Variants in IRAG1 observed in about 807,000 individuals in gnomAD.
IRAG1 encodes the protein IP3R-associated cGMP kinase substrate.
In IRAG1, 62 loss-of-function variants were observed where a neutral mutation model predicts 106.2. The observed-to-expected ratio is 0.58, with a 90% CI of 0.48 to 0.72. IRAG1 has a LOEUF of 0.72. Among genes scored for constraint, IRAG1 ranks in the 30% least tolerant of loss-of-function variants. The pLI is 0.00. For synonymous variants in IRAG1, 462 were observed against 443.9 expected (o/e 1.04, Z -0.51); for missense variants, 1,064 against 1,140.7 (o/e 0.93, Z 0.97).
chr11:10,622,808 A>G (rs143136168), intron 10 of IRAG1, among the ~76,000 whole-genome samples: 9 of 151,716 alleles, frequency 5.9e-5, no homozygotes, highest in African/African-American at 2.2e-4. Context: ...ATCTCATACA[A>G]TTTCATTCGT....
chr11:10,581,745 G>T, intron 19 of IRAG1, 122 bp downstream of exon 19: 3 of 1,215,410 alleles, frequency 2.5e-6, no homozygotes, highest in Non-Finnish European at 3.4e-6. Flanking sequence ...TCCTTCCTGT[G>T]GCAAGGAGGT....
intron 10 of IRAG1, among the ~76,000 whole-genome samples, chr11:10,615,481 A>G (rs1223913874): frequency 1.3e-5 from 2 of 152,244 alleles, no homozygotes; most frequent in East Asian, 1.9e-4. Context: ...ACACATGCAC[A>G]CGTATGTTTA....
intron 1 of IRAG1, among the ~76,000 whole-genome samples, chr11:10,674,372 C>T (rs146138838): frequency 2.6e-4 from 39 of 152,272 alleles, no homozygotes; most frequent in East Asian, 7.7e-4. Context: ...TTCAAATAAA[C>T]GGGTTTTTAC....
chr11:10,622,442 G>C (rs1472622528), intron 10 of IRAG1, among the ~76,000 whole-genome samples: 1 of 152,112 alleles, frequency 6.6e-6, no homozygotes, highest in Non-Finnish European at 1.5e-5. Context: ...ATGGCACTAT[G>C]GTTACAGTTA....
Position 10,576,574 on chromosome 11 carries a change from T to C in IRAG1, c.2497A>G (p.Lys833Glu), listed in dbSNP as rs1429322966. The change falls in exon 21 of 21, where the codon AAA becomes GAA. Residue 833 changes from lysine (K) to glutamate (E), a missense_variant and splice_region_variant. Physicochemically the swap from Lys to Glu is moderately conservative, Grantham distance 56. Coordinates refer to ENST00000423302, the MANE Select transcript of IRAG1 (RefSeq NM_130385.4). ...EEEEKGPRSS[K>E]LEELVHFLQV... ...AAGAAATGGACCAATTCTTCAAGTT[T>C]GCTGTCAATGAAAAAAAATATGCAG... is the stretch of plus-strand genomic sequence containing the variant. 6.2e-7 allele frequency: 1 copy of C among 1,613,986 alleles called. No individual in the cohort carries two copies. Among genetic ancestry groups the C allele is most frequent in the East Asian group, 2.2e-5 (1 of 44,888 alleles).
chr11:10,629,755 G>C, intron 4 of IRAG1, 44 bp from the exon 5 acceptor site: 2 of 1,589,702 alleles, frequency 1.3e-6, no homozygotes, highest in Non-Finnish European at 1.7e-6. Context: ...CTGCATCCGT[G>C]GCCCCAGGCT....
chr11:10,613,938 A>G (rs560483425), intron 10 of IRAG1, among the ~76,000 whole-genome samples: 12 of 152,258 alleles, frequency 7.9e-5, no homozygotes, highest in African/African-American at 2.9e-4. Context: ...TCCAGAACCC[A>G]CACCTGTAAA....
intron 2 of IRAG1, among the ~76,000 whole-genome samples, chr11:10,651,220 G>A (rs912354171): frequency 1.8e-4 from 28 of 152,332 alleles, no homozygotes; most frequent in African/African-American, 5.3e-4. Flanking sequence ...AAGAAAATAC[G>A]ACGAGGATGA....
At chr11:10,596,151 A>G (rs1477114116) in intron 15 of IRAG1, among the ~76,000 whole-genome samples, 3 of 152,222 alleles carry the variant, frequency 2.0e-5, no homozygotes, top group South Asian at 2.1e-4. Context: ...AAGTGCTGCA[A>G]TGAACATTTG....
chr11:10,616,668 T>C (rs1039926600), intron 10 of IRAG1, among the ~76,000 whole-genome samples: 11 of 152,224 alleles, frequency 7.2e-5, no homozygotes, highest in African/African-American at 2.7e-4. Flanking sequence ...TCTTATAGTT[T>C]CACTTCAAGT....
intron 4 of IRAG1, among the ~76,000 whole-genome samples, chr11:10,631,103 AG>A (rs1285083860): frequency 6.6e-6 from 1 of 152,240 alleles, no homozygotes; most frequent in Admixed American, 6.5e-5. Context: ...ACAAGAAAAA[AG>A]GTTCAAGAGA....
chr11:10,691,426 G>A (rs760574555), intron 1 of IRAG1, among the ~76,000 whole-genome samples: 17 of 152,128 alleles, frequency 1.1e-4, no homozygotes, highest in Non-Finnish European at 2.1e-4. Context: ...TTAGAAAGCT[G>A]AGGACCCATC....
rs1192171438 is a variant in IRAG1, at chr11:10,628,813, A to C, written c.590T>G (p.Leu197Arg). The C allele has an allele frequency of 6.3e-7, 1 of 1,579,786 alleles. No homozygotes were observed. Among genetic ancestry groups the C allele is most frequent in the African/African-American group, 1.4e-5 (1 of 73,442 alleles). ...GGATGTAGGAGAAGCGCTGGGGCTG[A>C]GGTTCGGGGAAACAGCTGTGAAGAC... ...GDSPSAVSPNLSPSASPTSSR... is the reference protein window; with the variant it reads ...GDSPSAVSPNRSPSASPTSSR... Residue 197 changes from leucine (L) to arginine (R), a missense_variant, in exon 6 of 21, where the codon CTC (leucine) becomes CGC (arginine). Physicochemically the swap from Leu to Arg is moderately radical, Grantham distance 102. Coordinates refer to ENST00000423302, the MANE Select transcript of IRAG1 (RefSeq NM_130385.4). The surrounding 1 kb of genome is among the most constrained non-coding windows in gnomAD (Gnocchi z 4.1).
intron 3 of IRAG1, among the ~76,000 whole-genome samples, chr11:10,633,453 A>C (rs1226735734): frequency 6.6e-6 from 1 of 152,176 alleles, no homozygotes; most frequent in African/African-American, 2.4e-5. Flanking sequence ...TGCTCTGTGA[A>C]ACCAAGGCGG....
chr11:10,667,687 G>T (rs997562378), intron 1 of IRAG1, among the ~76,000 whole-genome samples: 1 of 152,116 alleles, frequency 6.6e-6, no homozygotes, highest in Admixed American at 6.5e-5. Context: ...AGGTGTGGTC[G>T]CAGGCCTCCC....
Position 10,689,372 on chromosome 11 carries a change from T to C in IRAG1, c.67+4164A>G, listed in dbSNP as rs181380921. Among the ~76,000 whole-genome samples the C allele has an allele frequency of 2.1e-4, 32 of 152,300 alleles. No homozygotes were observed. In the East Asian group the frequency reaches 5.0e-3, roughly 24 times the overall value. ...CGGTCAACCTACCTCAAATAGAGGC[T>C]TTCTCTCCTTCATTCAAAGGAATAA... On this transcript the variant is annotated intron_variant, in intron 1 of 20. Coordinates refer to ENST00000423302, the MANE Select transcript of IRAG1 (RefSeq NM_130385.4).
At position 10,618,398 on chromosome 11, in the gene IRAG1, G is replaced by A. The variant is rs77760551; in HGVS notation, c.1447+5380C>T. 1.8e-3 allele frequency among the ~76,000 whole-genome samples: 281 copies of A among 152,158 alleles called. 1 individual carries two copies. The highest frequency in any genetic ancestry group is 6.5e-3 in the African/African-American group (270 of 41,510). ...CCTCTCCTAGACAGTGAGCTTATTC[G>A]TTCATACATTTGTTTAATGTTTATT... On this transcript the variant is annotated intron_variant, in intron 10 of 20. Coordinates refer to ENST00000423302, the MANE Select transcript of IRAG1 (RefSeq NM_130385.4).
intron 18 of IRAG1, among the ~76,000 whole-genome samples, chr11:10,588,520 T>G (rs951997901): frequency 6.6e-6 from 1 of 152,178 alleles, no homozygotes; most frequent in African/African-American, 2.4e-5. Context: ...TGGCTAATTT[T>G]TATATTTTTT....
Position 10,682,807 on chromosome 11 carries a change from AG to A in IRAG1, c.67+10728del, listed in dbSNP as rs542578692. Among the ~76,000 whole-genome samples, 8 of 152,350 alleles carry A rather than the reference AG, an allele frequency of 5.3e-5. No homozygotes were observed. The South Asian group carries it at 1.7e-3, about 32-fold the overall frequency. On this transcript the variant is annotated intron_variant, in intron 1 of 20. Transcript: ENST00000423302. ...TTAAGCAATTTTCCCTTCTTTAGTA[AG>A]AACCCCTATATATGAGGGATGGCTT...
Sources: allele counts gnomAD v4.1 joint callset (sites outside exome capture counted in the v4.1 genomes callset), GRCh38; gene constraint gnomAD v4.1.1; non-coding constraint Gnocchi (gnomAD v3.1); transcripts MANE v1.5; gene names NCBI Gene and HGNC (gene_info 2026-07-23, HGNC 2026-07-21).